The following KIF26B variants were observed in gnomAD, a reference collection of about 807,000 sequenced individuals.
KIF26B encodes the protein kinesin family member 26B.
In KIF26B, 63 loss-of-function variants were observed where a neutral mutation model predicts 151.2. That is an observed-to-expected ratio of 0.42 (90% CI 0.34 to 0.51). The LOEUF is 0.51. KIF26B is among the 20% of genes least tolerant of loss of function. KIF26B has a pLI of 0.07. For missense variants in KIF26B, 2,813 were observed against 2,913.6 expected, an observed-to-expected ratio of 0.97 and a Z score of 0.79; for synonymous variants, 1,357 against 1,262.1, an observed-to-expected ratio of 1.08 and a Z score of -1.59.
chr1:245,370,561 C>T (rs1470458697), intron 3 of KIF26B: 1 of 456,442 alleles, frequency 2.2e-6, no homozygotes, highest in African/African-American at 2.0e-5. Flanking sequence ...AGACAACTCA[C>T]ATTTCACCTT....
At chr1:245,217,731 C>T (rs1001935547) in intron 2 of KIF26B, among the ~76,000 whole-genome samples, 1 of 152,118 alleles carries the variant, frequency 6.6e-6, no homozygotes, top group Non-Finnish European at 1.5e-5. Context: ...TCACGATACC[C>T]GCCTTGCTCG....
At chr1:245,593,289 TTAGG>T (rs2043308384) in intron 5 of KIF26B, among the ~76,000 whole-genome samples, 1 of 152,178 alleles carries the variant, frequency 6.6e-6, no homozygotes, top group Non-Finnish European at 1.5e-5. Context: ...GTCATCTACA[TTAGG>T]TATTTCTCCT....
chr1:245,620,074 C>G (rs757390974), intron 9 of KIF26B, among the ~76,000 whole-genome samples: 18 of 151,806 alleles, frequency 1.2e-4, no homozygotes, highest in Non-Finnish European at 1.8e-4. Flanking sequence ...AGTCAGCTGA[C>G]TGGGCAAGTA....
At chr1:245,187,774 T>C (rs2103531026) in intron 2 of KIF26B, among the ~76,000 whole-genome samples, 1 of 152,298 alleles carries the variant, frequency 6.6e-6, no homozygotes, top group Non-Finnish European at 1.5e-5. Context: ...TAAGAGATGA[T>C]AATAAAGAGT....
At chr1:245,565,515 T>G (rs1359904693) in intron 5 of KIF26B, among the ~76,000 whole-genome samples, 1 of 152,076 alleles carries the variant, frequency 6.6e-6, no homozygotes, top group Non-Finnish European at 1.5e-5. Context: ...CTCTCAAACT[T>G]CTGGCCTCAA....
intron 3 of KIF26B, among the ~76,000 whole-genome samples, chr1:245,372,249 C>G (rs139471260): frequency 0.025 from 3,817 of 152,260 alleles, 147 homozygotes; most frequent in African/African-American, 0.086. Flanking sequence ...AATCTAATGC[C>G]TGATGATCTG....
intron 2 of KIF26B, among the ~76,000 whole-genome samples, chr1:245,230,087 C>T (rs10924130): frequency 0.57 from 85,587 of 150,484 alleles, 25,543 homozygotes; most frequent in Non-Finnish European, 0.66. Context: ...GAGCCGAGAT[C>T]GCGTTATTGC....
At chr1:245,580,509 G>A (rs745807960) in intron 5 of KIF26B, among the ~76,000 whole-genome samples, 43 of 152,320 alleles carry the variant, frequency 2.8e-4, no homozygotes, top group Middle Eastern at 3.4e-3. Flanking sequence ...GCCTAGGTCC[G>A]AAGGGTCAAA....
chr1:245,286,890 T>C (rs544619242), intron 2 of KIF26B, among the ~76,000 whole-genome samples: 2 of 152,198 alleles, frequency 1.3e-5, no homozygotes, highest in East Asian at 3.9e-4. Context: ...AGCAGATCAC[T>C]TGAGGTCAGG....
At chr1:245,411,179 G>T (rs1674272539) in intron 3 of KIF26B, among the ~76,000 whole-genome samples, 1 of 152,214 alleles carries the variant, frequency 6.6e-6, no homozygotes, top group Admixed American at 6.5e-5. Context: ...CTTAGGAAAG[G>T]TTCATGACAC....
At chr1:245,617,565 G>A (rs1338306519) in intron 9 of KIF26B, among the ~76,000 whole-genome samples, 1 of 152,158 alleles carries the variant, frequency 6.6e-6, no homozygotes, top group Admixed American at 6.5e-5. Flanking sequence ...GCCACAGCCA[G>A]TCCCCTGCTG....
intron 4 of KIF26B, among the ~76,000 whole-genome samples, chr1:245,440,519 T>C (rs1347049298): frequency 6.6e-6 from 1 of 152,164 alleles, no homozygotes; most frequent in Non-Finnish European, 1.5e-5. Flanking sequence ...AGGTCCAGAT[T>C]AATCCACAGA....
At chr1:245,493,764 G>A (rs1660454308) in intron 4 of KIF26B, among the ~76,000 whole-genome samples, 1 of 152,180 alleles carries the variant, frequency 6.6e-6, no homozygotes, top group African/African-American at 2.4e-5. Flanking sequence ...CATCTGCTGA[G>A]AAGGCAGCAG....
At chr1:245,691,508 T>G (rs574346785) in intron 12 of KIF26B, among the ~76,000 whole-genome samples, 1 of 152,328 alleles carries the variant, frequency 6.6e-6, no homozygotes, top group South Asian at 2.1e-4. Context: ...TAGGTGACCT[T>G]GTCTGGCTTA....
chr1:245,175,763 T>C (rs1668792289), intron 2 of KIF26B, among the ~76,000 whole-genome samples: 1 of 152,042 alleles, frequency 6.6e-6, no homozygotes, highest in Non-Finnish European at 1.5e-5. Context: ...TCTTCGTTTG[T>C]TCCATTTCTA....
intron 2 of KIF26B, among the ~76,000 whole-genome samples, chr1:245,340,035 G>A (rs927197897): frequency 6.6e-6 from 1 of 152,228 alleles, no homozygotes; most frequent in Non-Finnish European, 1.5e-5. Flanking sequence ...GGTATGAGGA[G>A]TCGTCTTTCT....
In KIF26B at chr1:245,686,810, C is replaced by A; in HGVS notation, c.3827C>A (p.Ser1276Tyr). The change falls in exon 12 of 15, where the codon TCT becomes TAT. Residue 1276 changes from serine (S) to tyrosine (Y), a missense_variant. Physicochemically the swap from Ser to Tyr is moderately radical, Grantham distance 144. Around this residue, in one of 3 missense-constraint regions of KIF26B, gnomAD observed 2,060 missense variants for 2,088.6 expected, o/e 0.99. Transcript: ENST00000407071. The surrounding 1 kb of genome is among the most constrained non-coding windows in gnomAD (Gnocchi z 5.6). Reference protein sequence around the residue: ...EKAQDAGSRRSSISSWLSEMS... With the variant: ...EKAQDAGSRRYSISSWLSEMS... The stretch of plus-strand genomic sequence containing the variant: ...GCCCAGGACGCAGGGAGCAGACGCT[C>A]TTCCATCAGCTCCTGGCTGAGCGAG... 6.2e-7 allele frequency: 1 copy of A among 1,613,590 alleles called. No individual in the cohort carries two copies.
At chr1:245,414,552 C>T (rs921466249) in intron 3 of KIF26B, among the ~76,000 whole-genome samples, 3 of 152,184 alleles carry the variant, frequency 2.0e-5, no homozygotes, top group Non-Finnish European at 4.4e-5. Context: ...TTCAGCTCCT[C>T]CTCCTCCCCA....
In KIF26B at chr1:245,367,187, C is replaced by T. The variant is rs375067079; in HGVS notation, c.819C>T (p.Val273=). ...GCAGCAAACCCAGCAGCCTTGGGGT[C>T]AGCAATGGGGCGGAAAAGAAGAGCG... ...KHGSKPSSLG[V]SNGAEKKSGS... is the part of the protein sequence containing the mutation. The change falls in exon 3 of 15, where the codon GTC becomes GTT. Residue 273 remains valine (V), a synonymous_variant. Coordinates refer to ENST00000407071, the MANE Select transcript of KIF26B (RefSeq NM_018012.4). This position sits in a 1 kb window ranked among gnomAD's most constrained non-coding sequence, Gnocchi z 4.2. The T allele has an allele frequency of 3.0e-4, 483 of 1,608,438 alleles. No homozygotes were observed. The highest frequency in any genetic ancestry group is 3.9e-4 in the Non-Finnish European group (456 of 1,177,624).
Sources: allele counts gnomAD v4.1 joint callset (sites outside exome capture counted in the v4.1 genomes callset), GRCh38; gene constraint gnomAD v4.1.1; regional missense constraint gnomAD v4.1.1; non-coding constraint Gnocchi (gnomAD v3.1); transcripts MANE v1.5; gene names NCBI Gene and HGNC (gene_info 2026-07-23, HGNC 2026-07-21).